Variants in PITPNM3 observed in about 807,000 individuals in gnomAD.
PITPNM3 encodes PITPNM family member 3, also known as membrane-associated phosphatidylinositol transfer protein 3.
In PITPNM3, 26 loss-of-function variants were observed where a neutral mutation model predicts 102.0. That is an observed-to-expected ratio of 0.25 (90% confidence interval 0.19 to 0.35). The LOEUF is 0.35. PITPNM3 is among the 10% of genes least tolerant of loss of function. PITPNM3 has a pLI of 1.00. For synonymous variants in PITPNM3, 578 were observed against 558.6 expected (o/e 1.03, Z -0.49); for missense variants, 1,083 against 1,346.1 (o/e 0.80, Z 3.06).
chr17:6,525,304 C>G (rs180986698), intron 3 of PITPNM3, 52 bp downstream of exon 3: 9 of 1,528,538 alleles, frequency 5.9e-6, no homozygotes, highest in South Asian at 3.4e-5. Context: ...TACAGCCCCC[C>G]CTGCAACACA....
chr17:6,463,342 C>T (rs1203044529), intron 17 of PITPNM3, among the ~76,000 whole-genome samples: 6 of 148,622 alleles, frequency 4.0e-5, no homozygotes, highest in Admixed American at 1.4e-4. Context: ...CTTAAGAGCT[C>T]GCTCTGCATC....
In PITPNM3 at chr17:6,556,286, C is replaced by T; in HGVS notation, c.22+99G>A. The T allele has an allele frequency of 9.2e-7, 1 of 1,090,158 alleles. No individual in the cohort carries two copies. Among genetic ancestry groups the T allele is most frequent in the South Asian group, 1.8e-5 (1 of 54,330 alleles). The allele number at this position is 1,090,158 out of a possible 1,614,324, so 67.5% of individuals were successfully genotyped here. ...CCTACGCCCTCCCGGGACCTCCGCCCACCTGCGCGAGGGGTTCACCTGGGC... is the reference window on the plus strand; with the variant it reads ...CCTACGCCCTCCCGGGACCTCCGCCTACCTGCGCGAGGGGTTCACCTGGGC... On this transcript the variant is annotated intron_variant, in intron 1 of 19. Transcript: ENST00000262483. This position sits in a 1 kb window ranked among gnomAD's most constrained non-coding sequence, Gnocchi z 5.2.
intron 9 of PITPNM3, among the ~76,000 whole-genome samples, chr17:6,476,171 T>A (rs1175559367): frequency 1.3e-5 from 2 of 151,962 alleles, no homozygotes; most frequent in African/African-American, 4.8e-5. Flanking sequence ...TTTTTTAAAA[T>A]AAAACGATCT....
Position 6,458,885 on chromosome 17 carries a change from GA to G in PITPNM3, c.2491-1164del, listed in dbSNP as rs1419899896. 6.6e-5 allele frequency among the ~76,000 whole-genome samples: 10 copies of G among 152,008 alleles called. No individual in the cohort carries two copies. Among genetic ancestry groups the G allele is most frequent in the Non-Finnish European group, 8.8e-5 (6 of 67,988 alleles). On this transcript the variant is annotated intron_variant, in intron 18 of 19. Transcript: ENST00000262483. The surrounding 1 kb of genome is among the most constrained non-coding windows in gnomAD (Gnocchi z 5.1). Reference sequence around the variant, plus strand: ...CCCACCGAGAGCTGCTAAAGAAACAGAGCCACGCAGCTCTCACCTTCCATCT... The same window carrying G: ...CCCACCGAGAGCTGCTAAAGAAACAGGCCACGCAGCTCTCACCTTCCATCT...
intron 4 of PITPNM3, among the ~76,000 whole-genome samples, chr17:6,499,012 C>T (rs142359977): frequency 2.4e-3 from 365 of 152,184 alleles, no homozygotes; most frequent in African/African-American, 8.6e-3. Context: ...CCAGGAGGGA[C>T]TCCATGAACA....
At position 6,478,198 on chromosome 17, in the gene PITPNM3, C is replaced by G. The variant is rs563657306; in HGVS notation, c.778-101G>C. The G allele has an allele frequency of 1.9e-6, 3 of 1,573,790 alleles. No individual in the cohort carries two copies. Among genetic ancestry groups the G allele is most frequent in the Admixed American group, 1.7e-5 (1 of 58,442 alleles). Reference sequence around the variant, plus strand: ...TGCCTCCCCACAGGAGAATGAGAAACTCGTCCTTGGGAGGTGTTGAGAGAG... The same window carrying G: ...TGCCTCCCCACAGGAGAATGAGAAAGTCGTCCTTGGGAGGTGTTGAGAGAG... On this transcript the variant is annotated intron_variant, in intron 7 of 19. Coordinates refer to ENST00000262483, the MANE Select transcript of PITPNM3 (RefSeq NM_031220.4). The surrounding 1 kb of genome is among the most constrained non-coding windows in gnomAD (Gnocchi z 4.4).
Position 6,472,715 on chromosome 17 carries a change from A to G in PITPNM3, c.1371T>C (p.Pro457=), listed in dbSNP as rs752750020. Reference sequence around the variant, plus strand: ...ACCTCTGGTAGCGAGGCACGCTGACAGGCGGCACCAGGTGGAACTTGGGCT... The same window carrying G: ...ACCTCTGGTAGCGAGGCACGCTGACGGGCGGCACCAGGTGGAACTTGGGCT... ...LLEPKFHLVP[P]VSVPRYQRFP... Residue 457 remains proline, a synonymous_variant, in exon 11 of 20, where the codon CCT becomes CCC. Coordinates refer to ENST00000262483, the MANE Select transcript of PITPNM3 (RefSeq NM_031220.4). The surrounding 1 kb of genome is among the most constrained non-coding windows in gnomAD (Gnocchi z 4.1). 2 of 1,613,928 alleles carry G rather than the reference A, an allele frequency of 1.2e-6. No individual in the cohort carries two copies. Among genetic ancestry groups the G allele is most frequent in the African/African-American group, 1.3e-5 (1 of 74,944 alleles).
Position 6,455,182 on chromosome 17 carries a change from G to T in PITPNM3, c.*156C>A. On this transcript the variant is annotated 3_prime_UTR_variant, in exon 20 of 20. Transcript: ENST00000262483. ...CAGCTCAGGGAGCCCCCCGGGCTCG[G>T]GCAGGATCCCTCCCCGCTCTGGTCG... 9.8e-7 allele frequency: 1 copy of T among 1,022,692 alleles called. No individual in the cohort carries two copies. Among genetic ancestry groups the T allele is most frequent in the Non-Finnish European group, 1.4e-6 (1 of 738,628 alleles). The allele number at this position is 1,022,692 out of a possible 1,614,324, so 63.4% of individuals were successfully genotyped here. A position where few individuals can be genotyped will look rare whatever the true frequency, so the allele number is the denominator to read the frequency against.
At chr17:6,477,376 G>A (rs1192946424) in intron 8 of PITPNM3, among the ~76,000 whole-genome samples, 163 bp from the exon 9 acceptor site, 1 of 152,144 alleles carries the variant, frequency 6.6e-6, no homozygotes, top group Non-Finnish European at 1.5e-5. Flanking sequence ...ATCATGGTAG[G>A]ATTTTAGGCA....
intron 1 of PITPNM3, among the ~76,000 whole-genome samples, chr17:6,541,961 A>C (rs553977511): frequency 5.1e-4 from 78 of 152,374 alleles, no homozygotes; most frequent in African/African-American, 1.9e-3. Flanking sequence ...CAAAGTAGAC[A>C]TACTGAATCC....
rs1174999108 is a variant in PITPNM3 at position 6,556,412 on chromosome 17, G to C, written c.-6C>G. The C allele has an allele frequency of 7.8e-7, 1 of 1,286,822 alleles. No homozygotes were observed. Among genetic ancestry groups the C allele is most frequent in the East Asian group, 3.4e-5 (1 of 29,284 alleles). The allele number at this position is 1,286,822 out of a possible 1,614,324, so 79.7% of individuals were successfully genotyped here. ...GCACGGCCCGCCTTGGCCATGTCCC[G>C]GGCGGCGGGCTCCGGCGGCGCTACG... On this transcript the variant is annotated 5_prime_UTR_variant, in exon 1 of 20. Coordinates refer to ENST00000262483, the MANE Select transcript of PITPNM3 (RefSeq NM_031220.4). This position sits in a 1 kb window ranked among gnomAD's most constrained non-coding sequence, Gnocchi z 5.2.
intron 3 of PITPNM3, among the ~76,000 whole-genome samples, chr17:6,516,425 G>A (rs1331292111): frequency 2.0e-5 from 3 of 150,546 alleles, no homozygotes; most frequent in East Asian, 1.9e-4. Context: ...TTAGCCAGGC[G>A]TGGTGGCGGG....
In PITPNM3 at chr17:6,458,483, T is replaced by C. The variant is rs569637840; in HGVS notation, c.2491-761A>G. Reference sequence around the variant, plus strand: ...CACGGTCTGCATGACGTGAAGGATCTACCACCTCCCACCCGGCCTGGCAGC... The same window carrying C: ...CACGGTCTGCATGACGTGAAGGATCCACCACCTCCCACCCGGCCTGGCAGC... On this transcript the variant is annotated intron_variant, in intron 18 of 19. Transcript: ENST00000262483. The surrounding 1 kb of genome is among the most constrained non-coding windows in gnomAD (Gnocchi z 5.1). 1.5e-3 allele frequency among the ~76,000 whole-genome samples: 235 copies of C among 152,302 alleles called. 1 individual carries two copies. The highest frequency in any genetic ancestry group is 3.9e-3 in the Admixed American group (60 of 15,302).
Position 6,478,598 on chromosome 17 carries a change from C to T in PITPNM3, c.726G>A (p.Gln242=), listed in dbSNP as rs1275252317. Residue 242 remains glutamine (Q), a synonymous_variant, in exon 7 of 20, where the codon CAG becomes CAA. Transcript: ENST00000262483. This position sits in a 1 kb window ranked among gnomAD's most constrained non-coding sequence, Gnocchi z 4.4. ...AVATVIERAN[Q]VYREFLKSSD... ...AGGACTTCAGGAACTCTCTGTAGACCTGGTTGGCTCGCTCGATGACGGTGG... is the reference window on the plus strand; with the variant it reads ...AGGACTTCAGGAACTCTCTGTAGACTTGGTTGGCTCGCTCGATGACGGTGG... 1 of 1,614,100 alleles carries T rather than the reference C, an allele frequency of 6.2e-7. No homozygotes were observed. Among genetic ancestry groups the T allele is most frequent in the Non-Finnish European group, 8.5e-7 (1 of 1,180,026 alleles).
At chr17:6,530,166 A>C (rs1380116438) in intron 2 of PITPNM3, among the ~76,000 whole-genome samples, 1 of 152,170 alleles carries the variant, frequency 6.6e-6, no homozygotes, top group Non-Finnish European at 1.5e-5. Flanking sequence ...CTATCATGGA[A>C]ACCTGGTCCT....
In PITPNM3 at chr17:6,540,912, G is replaced by A. The variant is rs191183770; in HGVS notation, c.23-2830C>T. Among the ~76,000 whole-genome samples, 961 of 152,316 alleles carry A rather than the reference G, an allele frequency of 6.3e-3. 12 individuals carry two copies. The highest frequency in any genetic ancestry group is 0.022 in the African/African-American group (903 of 41,578). On this transcript the variant is annotated intron_variant, in intron 1 of 19. Transcript: ENST00000262483. Reference sequence around the variant, plus strand: ...GACCTCAGGTGATCTGCCCGCCTCAGCTTCCCAAAGTGCTGGGATTACAGG... The same window carrying A: ...GACCTCAGGTGATCTGCCCGCCTCAACTTCCCAAAGTGCTGGGATTACAGG...
intron 1 of PITPNM3, among the ~76,000 whole-genome samples, chr17:6,544,771 AG>A (rs1350577128): frequency 6.6e-6 from 1 of 151,936 alleles, no homozygotes; most frequent in Non-Finnish European, 1.5e-5. Flanking sequence ...GAAAATAATC[AG>A]GCCTTGGGAT....
intron 4 of PITPNM3, among the ~76,000 whole-genome samples, chr17:6,487,445 A>G (rs1402194052): frequency 6.6e-6 from 1 of 152,136 alleles, no homozygotes; most frequent in Non-Finnish European, 1.5e-5. Context: ...ACAGCTGACA[A>G]GATGGGCTGA....
chr17:6,473,774 C>T (rs112527115), intron 10 of PITPNM3, among the ~76,000 whole-genome samples: 22 of 152,118 alleles, frequency 1.4e-4, no homozygotes, highest in African/African-American at 4.6e-4. Context: ...GTCAGGAGTT[C>T]GAGACCAGCC....
Sources: allele counts gnomAD v4.1 joint callset (sites outside exome capture counted in the v4.1 genomes callset), GRCh38; gene constraint gnomAD v4.1.1; non-coding constraint Gnocchi (gnomAD v3.1); transcripts MANE v1.5; gene names NCBI Gene and HGNC (gene_info 2026-07-23, HGNC 2026-07-21).